The following MAST2 variants were observed in gnomAD, a reference collection of about 807,000 sequenced individuals.
MAST2 encodes microtubule associated serine/threonine kinase 2.
Under a neutral mutation model 147.4 loss-of-function variants are expected in MAST2, and 70 were observed. That is an observed-to-expected ratio of 0.47 (90% CI 0.39 to 0.58). The LOEUF (loss-of-function observed/expected upper bound fraction) is 0.58. MAST2 is among the 20% of genes least tolerant of loss of function. The probability of loss-of-function intolerance (pLI) is 0.00; values close to 1 mark genes in which losing one functional copy is unlikely to be tolerated. For missense variants in MAST2, 2,080 were observed against 2,302.3 expected, an observed-to-expected ratio of 0.90 and a Z score of 1.98; for synonymous variants, 869 against 896.8, an observed-to-expected ratio of 0.97 and a Z score of 0.55.
At chr1:45,902,224 G>A (rs1247822027) in intron 4 of MAST2, among the ~76,000 whole-genome samples, 1 of 152,104 alleles carries the variant, frequency 6.6e-6, no homozygotes, top group African/African-American at 2.4e-5. Flanking sequence ...TGCTTTTTCT[G>A]TGTCTGTTGA....
intron 5 of MAST2, among the ~76,000 whole-genome samples, chr1:45,988,684 T>C (rs1644743924): frequency 6.6e-6 from 1 of 152,244 alleles, no homozygotes; most frequent in East Asian, 1.9e-4. Flanking sequence ...CAGTATGAAC[T>C]AATAGGTATT....
chr1:45,860,480 G>A (rs1056787930), intron 3 of MAST2, among the ~76,000 whole-genome samples: 2 of 151,738 alleles, frequency 1.3e-5, no homozygotes, highest in African/African-American at 2.4e-5. Flanking sequence ...CCTGGCTGCT[G>A]TTTACCAACT....
At chr1:45,987,979 T>C (rs777457566) in intron 5 of MAST2, among the ~76,000 whole-genome samples, 6 of 151,880 alleles carry the variant, frequency 4.0e-5, no homozygotes, top group Admixed American at 1.3e-4. Context: ...GATATAATTT[T>C]CCCCCTAAGA....
chr1:45,955,169 A>C lies in MAST2; in HGVS notation c.501-4217A>C, dbSNP rs1039604406. 2.4e-4 allele frequency among the ~76,000 whole-genome samples: 36 copies of C among 152,158 alleles called. 1 individual carries two copies. The highest frequency in any genetic ancestry group is 5.2e-4 in the Admixed American group (8 of 15,276). ...TTTCTGATGAGAAGAGAGACAACAA[A>C]ATGAATGTGCAAAATATATACCATC... On this transcript the variant is annotated intron_variant, in intron 4 of 28. Transcript: ENST00000361297.
chr1:46,018,638 T>A (rs558730783), intron 10 of MAST2, among the ~76,000 whole-genome samples: 1 of 152,284 alleles, frequency 6.6e-6, no homozygotes, highest in Admixed American at 6.5e-5. Flanking sequence ...TTTTCACAGT[T>A]CTTAAACGGT....
At chr1:46,001,886 A>C (rs1418208192) in intron 6 of MAST2, among the ~76,000 whole-genome samples, 1 of 152,234 alleles carries the variant, frequency 6.6e-6, no homozygotes, top group Non-Finnish European at 1.5e-5. Flanking sequence ...ATATGAACTT[A>C]TAAAGATCCT....
At chr1:45,985,763 C>T (rs991011797) in intron 5 of MAST2, among the ~76,000 whole-genome samples, 26 of 152,168 alleles carry the variant, frequency 1.7e-4, no homozygotes, top group Admixed American at 9.8e-4. Context: ...TTTGTTTCTC[C>T]ACCTATTTAG....
At chr1:45,832,945 G>A (rs1351047440) in intron 3 of MAST2, among the ~76,000 whole-genome samples, 2 of 151,922 alleles carry the variant, frequency 1.3e-5, no homozygotes, top group African/African-American at 4.8e-5. Context: ...CCTCCTCATT[G>A]TTCCATCCCT....
intron 3 of MAST2, among the ~76,000 whole-genome samples, chr1:45,853,056 G>A (rs1037053506): frequency 2.6e-5 from 4 of 151,838 alleles, no homozygotes; most frequent in Non-Finnish European, 4.4e-5. Flanking sequence ...TCATCCTCCC[G>A]AGTAGCTGGG....
chr1:45,950,317 T>C (rs570633020), intron 4 of MAST2, among the ~76,000 whole-genome samples: 1 of 152,050 alleles, frequency 6.6e-6, no homozygotes, highest in South Asian at 2.1e-4. Context: ...AAAGATGAGG[T>C]CTTGGCTTGT....
At chr1:45,852,329 A>G (rs935130150) in intron 3 of MAST2, among the ~76,000 whole-genome samples, 1 of 151,952 alleles carries the variant, frequency 6.6e-6, no homozygotes. Context: ...TCTTGCAACC[A>G]CTAATGTGTT....
chr1:45,969,825 C>T (rs1373275403), intron 5 of MAST2, among the ~76,000 whole-genome samples: 1 of 152,068 alleles, frequency 6.6e-6, no homozygotes, highest in South Asian at 2.1e-4. Flanking sequence ...CTTCCTGGTC[C>T]ATGGAAAAAT....
chr1:45,845,610 A>G (rs1215928367), intron 3 of MAST2, among the ~76,000 whole-genome samples: 1 of 152,208 alleles, frequency 6.6e-6, no homozygotes, highest in Non-Finnish European at 1.5e-5. Flanking sequence ...TTACATGTCA[A>G]TTTAATTTAT....
At chr1:46,020,857 C>T (rs557885055) in intron 11 of MAST2, among the ~76,000 whole-genome samples, 1 of 152,278 alleles carries the variant, frequency 6.6e-6, no homozygotes, top group African/African-American at 2.4e-5. Context: ...CATGTTGTTG[C>T]ATGTATCAGT....
At chr1:45,878,400 G>T (rs898741780) in intron 3 of MAST2, among the ~76,000 whole-genome samples, 5 of 152,004 alleles carry the variant, frequency 3.3e-5, no homozygotes, top group African/African-American at 1.2e-4. Context: ...GAATAGAAGA[G>T]AACTTGATAA....
intron 10 of MAST2, among the ~76,000 whole-genome samples, chr1:46,018,288 G>A (rs538554014): frequency 2.6e-5 from 4 of 151,934 alleles, no homozygotes; most frequent in East Asian, 3.9e-4. Flanking sequence ...TCATCTCTAC[G>A]CTGAGGACTC....
intron 4 of MAST2, among the ~76,000 whole-genome samples, chr1:45,953,356 T>C (rs765524850): frequency 8.5e-5 from 13 of 152,218 alleles, no homozygotes; most frequent in Non-Finnish European, 1.9e-4. Context: ...TCTGACTACC[T>C]GCTTCTGTGG....
At chr1:45,961,414 C>T (rs1218925945) in intron 5 of MAST2, among the ~76,000 whole-genome samples, 2 of 152,196 alleles carry the variant, frequency 1.3e-5, no homozygotes, top group Admixed American at 1.3e-4. Flanking sequence ...GTAGTTACTA[C>T]TGGCTGCTCT....
chr1:46,022,178 A>G (rs1646215672), intron 12 of MAST2, 96 bp downstream of exon 12: 1 of 1,525,704 alleles, frequency 6.6e-7, no homozygotes, highest in Non-Finnish European at 8.9e-7. Context: ...TAGCTTGGAC[A>G]TGGACACAAC....
Sources: allele counts gnomAD v4.1 joint callset (sites outside exome capture counted in the v4.1 genomes callset), GRCh38; gene constraint gnomAD v4.1.1; transcripts MANE v1.5; gene names NCBI Gene and HGNC (gene_info 2026-07-23, HGNC 2026-07-21).